Variants in ZEB1 observed in about 807,000 individuals in gnomAD.
ZEB1 encodes zinc finger E-box binding homeobox 1.
A neutral mutation model predicts 84.9 loss-of-function variants in ZEB1; 21 were observed. That is an observed-to-expected ratio of 0.25 (90% CI 0.18 to 0.36). The LOEUF (loss-of-function observed/expected upper bound fraction) is 0.36. Ranked by LOEUF, ZEB1 falls within the 10% of genes least tolerant of loss-of-function variation. The pLI is 1.00. For missense variants in ZEB1, 1,104 were observed against 1,330.2 expected, an observed-to-expected ratio of 0.83 and a Z score of 2.65; for synonymous variants, 420 against 471.1, an observed-to-expected ratio of 0.89 and a Z score of 1.41.
At chr10:31,409,289 C>T (rs540655986) in intron 1 of ZEB1, among the ~76,000 whole-genome samples, 6 of 152,240 alleles carry the variant, frequency 3.9e-5, no homozygotes, top group African/African-American at 1.4e-4. Flanking sequence ...CACTTTTACA[C>T]TGTTGGTGGG....
intron 1 of ZEB1, chr10:31,387,128 A>T: frequency 1.0e-6 from 1 of 985,836 alleles, no homozygotes. Context: ...CCTTAGGACA[A>T]CCTTAAACTT....
intron 8 of ZEB1, among the ~76,000 whole-genome samples, chr10:31,524,980 G>A (rs573688807): frequency 6.6e-6 from 1 of 152,186 alleles, no homozygotes; most frequent in African/African-American, 2.4e-5. Flanking sequence ...GCAAACTATA[G>A]CTCACAGGCC....
rs145455014 is a variant in ZEB1, at chr10:31,482,295, A to C, written c.260-13481A>C. ...CAGAGAAATCCAAGTTGAGGGGCAT[A>C]TGACAAAATCAGTGCCCAGTACGCT... is the stretch of plus-strand genomic sequence containing the variant. On this transcript the variant is annotated intron_variant, in intron 2 of 8. Coordinates refer to ENST00000424869, the MANE Select transcript of ZEB1 (RefSeq NM_001174096.2). Among the ~76,000 whole-genome samples the C allele has an allele frequency of 1.9e-3, 286 of 152,206 alleles. 3 individuals carry two copies. The highest frequency in any genetic ancestry group is 0.016 in the East Asian group (82 of 5,154).
intron 1 of ZEB1, among the ~76,000 whole-genome samples, chr10:31,399,293 C>A (rs1339187530): frequency 6.6e-6 from 1 of 152,082 alleles, no homozygotes; most frequent in Non-Finnish European, 1.5e-5. Flanking sequence ...CCGTGCCTGG[C>A]CCCTGTAGTC....
At chr10:31,365,481 T>A (rs2044280444) in intron 1 of ZEB1, among the ~76,000 whole-genome samples, 1 of 152,192 alleles carries the variant, frequency 6.6e-6, no homozygotes, top group Non-Finnish European at 1.5e-5. Flanking sequence ...AAAAATAAAT[T>A]GCATGTCTGT....
chr10:31,365,308 T>C (rs1349932726), intron 1 of ZEB1, among the ~76,000 whole-genome samples: 1 of 152,176 alleles, frequency 6.6e-6, no homozygotes, highest in Non-Finnish European at 1.5e-5. Flanking sequence ...GCCCTAAATA[T>C]AACTCTAGGT....
intron 1 of ZEB1, among the ~76,000 whole-genome samples, chr10:31,360,154 T>C (rs1259478313): frequency 1.3e-5 from 2 of 152,214 alleles, no homozygotes; most frequent in Non-Finnish European, 2.9e-5. Flanking sequence ...CTTCACTAAG[T>C]CCTGCCCTGT....
chr10:31,486,153 T>G (rs1045143688), intron 2 of ZEB1, among the ~76,000 whole-genome samples: 1 of 151,828 alleles, frequency 6.6e-6, no homozygotes, highest in Non-Finnish European at 1.5e-5. Context: ...TTGGGTTGTT[T>G]CCAATTTACG....
intron 1 of ZEB1, among the ~76,000 whole-genome samples, chr10:31,366,933 A>G (rs2044624888): frequency 6.6e-6 from 1 of 152,178 alleles, no homozygotes; most frequent in Non-Finnish European, 1.5e-5. Flanking sequence ...AGCATTCCAC[A>G]TACAGTTAGT....
chr10:31,506,207 T>C (rs1196190073), intron 4 of ZEB1, among the ~76,000 whole-genome samples: 2 of 152,078 alleles, frequency 1.3e-5, no homozygotes, highest in African/African-American at 4.8e-5. Context: ...TCCTAGAGTA[T>C]GTTCTGTGTG....
At chr10:31,361,818 G>A (rs1266404206) in intron 1 of ZEB1, among the ~76,000 whole-genome samples, 21 of 144,386 alleles carry the variant, frequency 1.5e-4, no homozygotes, top group Admixed American at 1.2e-3. Flanking sequence ...GGGCAGAGGC[G>A]CTCCTCATTT....
chr10:31,450,122 A>G (rs1358052760), intron 1 of ZEB1, among the ~76,000 whole-genome samples: 1 of 152,228 alleles, frequency 6.6e-6, no homozygotes, highest in African/African-American at 2.4e-5. Flanking sequence ...TAGCATTTGG[A>G]TCAAAATTGC....
intron 1 of ZEB1, among the ~76,000 whole-genome samples, chr10:31,373,441 T>C (rs1163404223): frequency 6.6e-6 from 1 of 151,764 alleles, no homozygotes; most frequent in Admixed American, 6.6e-5. Flanking sequence ...AAAAATTCAA[T>C]TTTTGTAGTT....
At chr10:31,433,946 A>G (rs2058015001) in intron 1 of ZEB1, among the ~76,000 whole-genome samples, 1 of 152,188 alleles carries the variant, frequency 6.6e-6, no homozygotes, top group Non-Finnish European at 1.5e-5. Flanking sequence ...ACAATAATGG[A>G]GGAAAGAAAT....
At chr10:31,367,205 T>G (rs910805356) in intron 1 of ZEB1, among the ~76,000 whole-genome samples, 1 of 152,166 alleles carries the variant, frequency 6.6e-6, no homozygotes, top group East Asian at 1.9e-4. Flanking sequence ...CTTTTTCTGT[T>G]TTAAAGTATT....
intron 2 of ZEB1, among the ~76,000 whole-genome samples, chr10:31,476,343 C>T (rs2064183289): frequency 6.6e-6 from 1 of 151,928 alleles, no homozygotes; most frequent in South Asian, 2.1e-4. Flanking sequence ...TCTATGTGCA[C>T]AAACTAGATA....
intron 1 of ZEB1, among the ~76,000 whole-genome samples, chr10:31,395,658 C>T (rs1162584693): frequency 6.6e-6 from 1 of 152,108 alleles, no homozygotes; most frequent in African/African-American, 2.4e-5. Flanking sequence ...CATCAGAGAG[C>T]AGGTTGAATG....
At chr10:31,431,898 T>A (rs2057755326) in intron 1 of ZEB1, among the ~76,000 whole-genome samples, 1 of 152,184 alleles carries the variant, frequency 6.6e-6, no homozygotes, top group African/African-American at 2.4e-5. Flanking sequence ...TAAACATTAA[T>A]TCATTGACAA....
intron 1 of ZEB1, chr10:31,363,476 C>T (rs1479998301): frequency 1.1e-5 from 17 of 1,532,120 alleles, no homozygotes; most frequent in African/African-American, 2.7e-5. Flanking sequence ...CCCTGAGTCT[C>T]CAGGGGCCTA....
Sources: gnomAD v4.1 joint callset for allele counts (sites outside exome capture counted in the v4.1 genomes callset) on GRCh38, gnomAD v4.1.1 for gene constraint, MANE v1.5 for transcripts, NCBI Gene and HGNC (gene_info 2026-07-23, HGNC 2026-07-21) for gene names.